The following OR11H4 variants were observed in gnomAD, a reference collection of about 807,000 sequenced individuals.
OR11H4 encodes the protein olfactory receptor 11H4.
For synonymous variants in OR11H4, 162 were observed against 142.3 expected, an observed-to-expected ratio of 1.14 and a Z score of -0.98; for missense variants, 460 against 371.1, an observed-to-expected ratio of 1.24 and a Z score of -1.97.
At chr14:20,241,183 T>A (rs1289008463) in intron 1 of OR11H4, among the ~76,000 whole-genome samples, 2 of 152,124 alleles carry the variant, frequency 1.3e-5, no homozygotes, top group African/African-American at 2.4e-5. Context: ...AAAACATCAT[T>A]TTCCTTATTT....
chr14:20,241,873 G>C (rs557441238), intron 1 of OR11H4, among the ~76,000 whole-genome samples: 1 of 152,082 alleles, frequency 6.6e-6, no homozygotes, highest in African/African-American at 2.4e-5. Context: ...ACTATGCCTG[G>C]ATGTGCACGT....
intron 1 of OR11H4, among the ~76,000 whole-genome samples, chr14:20,241,638 A>C (rs373952960): frequency 6.6e-4 from 100 of 152,330 alleles, no homozygotes; most frequent in African/African-American, 2.4e-3. Context: ...TAAGACACAG[A>C]GACAAAGTAT....
intron 1 of OR11H4, among the ~76,000 whole-genome samples, chr14:20,242,226 C>A (rs377299043): frequency 2.6e-5 from 4 of 152,224 alleles, no homozygotes. Context: ...CAGACAATAC[C>A]CTGCTTTCAA....
In OR11H4 at chr14:20,243,625, TTTA is replaced by T; in HGVS notation, c.807_809del (p.Leu270del). ...TAAGTCCTACATATGGGATCCCAAC[TTTA>T]TTGCAGAAGATCCTCACACTGGTAT... is the stretch of plus-strand genomic sequence containing the variant. On this transcript the variant is annotated inframe_deletion, in exon 2 of 2. Coordinates refer to ENST00000641082, the MANE Select transcript of OR11H4 (RefSeq NM_001004479.2). 6.2e-6 allele frequency: 10 copies of T among 1,614,158 alleles called. No individual in the cohort carries two copies. The highest frequency in any genetic ancestry group is 8.5e-6 in the Non-Finnish European group (10 of 1,180,020).
chr14:20,242,964 C>T lies in OR11H4; in HGVS notation c.143C>T (p.Ala48Val). 6.2e-7 allele frequency: 1 copy of T among 1,614,024 alleles called. No individual in the cohort carries two copies. Among genetic ancestry groups the T allele is most frequent in the Non-Finnish European group, 8.5e-7 (1 of 1,179,902 alleles). Reference sequence around the variant, plus strand: ...CTGGGAAATGGAGCCATCATCTATGCAGTGAGATGCAACCCACTACTACAC... The same window carrying T: ...CTGGGAAATGGAGCCATCATCTATGTAGTGAGATGCAACCCACTACTACAC... Reference protein sequence around the residue: ...TLLGNGAIIYAVRCNPLLHTP... With the variant: ...TLLGNGAIIYVVRCNPLLHTP... Residue 48 changes from alanine (A) to valine (V), a missense_variant, in exon 2 of 2, where the codon GCA becomes GTA. Transcript: ENST00000641082.
chr14:20,242,713 T>C, intron 1 of OR11H4, 98 bp from the exon 2 acceptor site: 1 of 1,393,702 alleles, frequency 7.2e-7, no homozygotes, highest in Middle Eastern at 2.3e-4. Context: ...CCTGTATACC[T>C]CAAGTTCTCG....
intron 1 of OR11H4, among the ~76,000 whole-genome samples, chr14:20,240,665 C>T (rs1026057164): frequency 1.3e-5 from 2 of 150,176 alleles, no homozygotes; most frequent in African/African-American, 2.5e-5. Context: ...GCAACCTCCA[C>T]CTCCTGAGTT....
chr14:20,243,916 T>A lies in OR11H4; in HGVS notation c.*150T>A. 1 of 703,698 alleles carries A rather than the reference T, an allele frequency of 1.4e-6. No individual in the cohort carries two copies. The highest frequency in any genetic ancestry group is 2.2e-6 in the Non-Finnish European group (1 of 459,234). The allele number at this position is 703,698 out of a possible 1,614,324, so 43.6% of individuals were successfully genotyped here. On this transcript the variant is annotated 3_prime_UTR_variant, in exon 2 of 2. Transcript: ENST00000641082. ...CCCAGCTTAAATATGTTTCCAGCAC[T>A]GACTCTTTAAACCTTAATTAACTGG...
At chr14:20,241,860 G>C (rs979010805) in intron 1 of OR11H4, among the ~76,000 whole-genome samples, 1 of 152,090 alleles carries the variant, frequency 6.6e-6, no homozygotes, top group Admixed American at 6.6e-5. Flanking sequence ...TTCAAGGGAA[G>C]GTACTATGCC....
At chr14:20,240,865 T>TA (rs1880900348) in intron 1 of OR11H4, among the ~76,000 whole-genome samples, 1 of 152,130 alleles carries the variant, frequency 6.6e-6, no homozygotes, top group African/African-American at 2.4e-5. Context: ...CATAAGACAT[T>TA]ACGCCCAGCC....
At chr14:20,240,991 G>T (rs570121356) in intron 1 of OR11H4, among the ~76,000 whole-genome samples, 39 of 151,996 alleles carry the variant, frequency 2.6e-4, no homozygotes, top group Non-Finnish European at 4.7e-4. Flanking sequence ...ACATAAACTT[G>T]TTGCTACTGA....
chr14:20,241,727 C>T (rs1413148675), intron 1 of OR11H4, among the ~76,000 whole-genome samples: 1 of 152,082 alleles, frequency 6.6e-6, no homozygotes, highest in Non-Finnish European at 1.5e-5. Flanking sequence ...TGAGTTCCCT[C>T]AGTTTTTATT....
At position 20,244,168 on chromosome 14, in the gene OR11H4, A is replaced by C. The variant is rs1266522347; in HGVS notation, c.*402A>C. 1 of 157,252 alleles carries C rather than the reference A, an allele frequency of 6.4e-6. No homozygotes were observed. The highest frequency in any genetic ancestry group is 1.4e-5 in the Non-Finnish European group (1 of 71,754). 9.7% of individuals were successfully genotyped at this position (157,252 alleles called of 1,614,324 possible). A position where few individuals can be genotyped will look rare whatever the true frequency, so the allele number is the denominator to read the frequency against. On this transcript the variant is annotated 3_prime_UTR_variant, in exon 2 of 2. Transcript: ENST00000641082. Reference sequence around the variant, plus strand: ...GTGGCACAATACCCAGCAAACGGTAAGGCCTCAGACATGTTTTTTAAATAT... The same window carrying C: ...GTGGCACAATACCCAGCAAACGGTACGGCCTCAGACATGTTTTTTAAATAT...
Position 20,243,737 on chromosome 14 carries a change from T to C in OR11H4, c.916T>C (p.Phe306Leu). ...DMKLALRNVL[F>L]GMRIRQNS ...GAAACTCGCTCTGAGAAATGTCCTG[T>C]TTGGAATGAGAATTCGTCAAAATTC... The change falls in exon 2 of 2, where the codon TTT (phenylalanine) becomes CTT (leucine). Residue 306 changes from phenylalanine (F) to leucine (L), a missense_variant. Transcript: ENST00000641082. The C allele has an allele frequency of 6.3e-7, 1 of 1,584,964 alleles. No homozygotes were observed.
intron 1 of OR11H4, among the ~76,000 whole-genome samples, chr14:20,240,248 A>AATC (rs1880885492): frequency 6.6e-6 from 1 of 152,178 alleles, no homozygotes; most frequent in African/African-American, 2.4e-5. Context: ...CGTAAACAAC[A>AATC]ATCTGGAAAT....
intron 1 of OR11H4, 146 bp from the exon 2 acceptor site, chr14:20,242,665 C>A: frequency 1.2e-6 from 1 of 868,764 alleles, no homozygotes; most frequent in Non-Finnish European, 1.8e-6. Flanking sequence ...TTTGGTAGGA[C>A]ATATTCCCAC....
rs1306565477 is a variant in OR11H4 at position 20,243,429 on chromosome 14, G to T, written c.608G>T (p.Ser203Ile). The T allele has an allele frequency of 2.5e-6, 4 of 1,613,672 alleles. No homozygotes were observed. Among genetic ancestry groups the T allele is most frequent in the Non-Finnish European group, 3.4e-6 (4 of 1,179,846 alleles). Reference sequence around the variant, plus strand: ...ACTGAATGTATTTTCTATACTCAGAGCTCCCTTGTCCTCTTTTTCACTAGT... The same window carrying T: ...ACTGAATGTATTTTCTATACTCAGATCTCCCTTGTCCTCTTTTTCACTAGT... ...PITECIFYTQ[S>I]SLVLFFTSMY... The change falls in exon 2 of 2, where the codon AGC becomes ATC. Residue 203 changes from serine (S) to isoleucine (I), a missense_variant. Coordinates refer to ENST00000641082, the MANE Select transcript of OR11H4 (RefSeq NM_001004479.2).
intron 1 of OR11H4, 60 bp from the exon 2 acceptor site, chr14:20,242,751 C>G: frequency 6.4e-7 from 1 of 1,565,302 alleles, no homozygotes; most frequent in Non-Finnish European, 8.7e-7. Flanking sequence ...AGATACGTAG[C>G]AAGCAATTGG....
chr14:20,241,698 C>T (rs566363650), intron 1 of OR11H4, among the ~76,000 whole-genome samples: 105 of 152,238 alleles, frequency 6.9e-4, no homozygotes, highest in African/African-American at 2.4e-3. Flanking sequence ...CACCAAGGAC[C>T]TGCACCGGCA....
Sources: allele counts gnomAD v4.1 joint callset (sites outside exome capture counted in the v4.1 genomes callset), GRCh38; gene constraint gnomAD v4.1.1; transcripts MANE v1.5; gene names NCBI Gene and HGNC (gene_info 2026-07-23, HGNC 2026-07-21).